Variants in ERC2 observed in about 807,000 individuals in gnomAD.
The protein encoded by ERC2 is ELKS/RAB6-interacting/CAST family member 2.
Under a neutral mutation model 114.8 loss-of-function variants are expected in ERC2, and 42 were observed. That is an observed-to-expected ratio of 0.37 (90% CI 0.29 to 0.47). The LOEUF (loss-of-function observed/expected upper bound fraction) is 0.47. Among genes scored for constraint, ERC2 ranks in the 20% least tolerant of loss-of-function variants. The pLI is 0.99. For synonymous variants in ERC2, 454 were observed against 425.5 expected (o/e 1.07, Z -0.82); for missense variants, 939 against 1,150.7 (o/e 0.82, Z 2.66).
intron 2 of ERC2, among the ~76,000 whole-genome samples, chr3:56,298,887 T>A (rs572771673): frequency 6.6e-6 from 1 of 152,246 alleles, no homozygotes; most frequent in Non-Finnish European, 1.5e-5. Context: ...GTCACAAAAA[T>A]CATGAGGTGG....
intron 2 of ERC2, among the ~76,000 whole-genome samples, chr3:56,378,990 C>T (rs1214413767): frequency 4.6e-5 from 7 of 152,212 alleles, no homozygotes; most frequent in African/African-American, 1.7e-4. Flanking sequence ...AAATCCATTT[C>T]AATAACGTAT....
chr3:55,820,271 T>C (rs2060072688), intron 14 of ERC2, among the ~76,000 whole-genome samples: 1 of 152,090 alleles, frequency 6.6e-6, no homozygotes, highest in Non-Finnish European at 1.5e-5. Flanking sequence ...CTCTGAGGCA[T>C]AAGGGAGTAA....
chr3:55,686,552 G>C (rs2062342438), intron 16 of ERC2, among the ~76,000 whole-genome samples: 1 of 152,192 alleles, frequency 6.6e-6, no homozygotes, highest in African/African-American at 2.4e-5. Flanking sequence ...TTTCACTGCT[G>C]CGCTGCCTGC....
intron 5 of ERC2, among the ~76,000 whole-genome samples, chr3:56,146,236 G>A (rs1269027337): frequency 3.3e-5 from 5 of 152,194 alleles, no homozygotes; most frequent in South Asian, 2.1e-4. Context: ...GCAGTGAGCC[G>A]AGATCGCACC....
chr3:56,027,715 C>G (rs1053036203), intron 7 of ERC2, among the ~76,000 whole-genome samples: 15 of 152,006 alleles, frequency 9.9e-5, no homozygotes, highest in African/African-American at 3.6e-4. Flanking sequence ...AGGTATTAGT[C>G]CTTTGTCAGA....
intron 2 of ERC2, among the ~76,000 whole-genome samples, chr3:56,297,876 C>A (rs1414377235): frequency 6.6e-6 from 1 of 152,158 alleles, no homozygotes; most frequent in Non-Finnish European, 1.5e-5. Context: ...GGCCTACACC[C>A]AGAAACTAGC....
At chr3:55,932,687 G>A (rs1049684588) in intron 13 of ERC2, among the ~76,000 whole-genome samples, 1 of 152,138 alleles carries the variant, frequency 6.6e-6, no homozygotes, top group Non-Finnish European at 1.5e-5. Context: ...ATAAAAGCAA[G>A]TGTCCAGTGG....
intron 4 of ERC2, among the ~76,000 whole-genome samples, chr3:56,173,053 T>C (rs539552952): frequency 2.6e-5 from 4 of 152,352 alleles, no homozygotes; most frequent in South Asian, 2.1e-4. Flanking sequence ...TACCACTGCA[T>C]GTAAAATAAC....
At chr3:56,170,890 G>A (rs187252853) in intron 4 of ERC2, among the ~76,000 whole-genome samples, 125 of 150,922 alleles carry the variant, frequency 8.3e-4, no homozygotes, top group African/African-American at 2.8e-3. Context: ...TCAGCCTCCC[G>A]AGTAGCTGGG....
intron 2 of ERC2, among the ~76,000 whole-genome samples, chr3:56,408,471 A>AAC (rs138217089): frequency 1.3e-3 from 202 of 150,988 alleles, no homozygotes; most frequent in African/African-American, 3.8e-3. Context: ...CCCTCCCCCA[A>AAC]ACACACACAC....
At chr3:55,852,024 C>T (rs573245091) in intron 14 of ERC2, among the ~76,000 whole-genome samples, 1 of 152,200 alleles carries the variant, frequency 6.6e-6, no homozygotes, top group East Asian at 1.9e-4. Flanking sequence ...GAGTTTGAGA[C>T]CAGCCTGACC....
intron 12 of ERC2, among the ~76,000 whole-genome samples, chr3:55,982,394 G>A (rs1038705719): frequency 6.6e-5 from 10 of 151,796 alleles, no homozygotes; most frequent in Middle Eastern, 6.8e-3. Context: ...TGATGAACAC[G>A]TTTCCTCTTA....
intron 17 of ERC2, among the ~76,000 whole-genome samples, chr3:55,587,179 G>A (rs767193674): frequency 6.8e-6 from 1 of 146,918 alleles, no homozygotes; most frequent in African/African-American, 2.5e-5. Flanking sequence ...TCTTTCTTTC[G>A]TTTTGCTCTT....
chr3:55,721,286 A>G (rs948441929), intron 15 of ERC2, among the ~76,000 whole-genome samples: 3 of 152,240 alleles, frequency 2.0e-5, no homozygotes, highest in Non-Finnish European at 4.4e-5. Context: ...GGGGACTATA[A>G]TAAAACAAAG....
At chr3:56,422,763 A>G (rs1287487242) in intron 2 of ERC2, among the ~76,000 whole-genome samples, 1 of 152,188 alleles carries the variant, frequency 6.6e-6, no homozygotes, top group Non-Finnish European at 1.5e-5. Context: ...TCGCAGCTCT[A>G]TTGGTGAGGC....
chr3:55,752,886 A>T (rs1158830391), intron 14 of ERC2, among the ~76,000 whole-genome samples: 1 of 152,222 alleles, frequency 6.6e-6, no homozygotes, highest in Non-Finnish European at 1.5e-5. Context: ...AAGTTGGCTG[A>T]ATTCCGATAA....
intron 1 of ERC2, among the ~76,000 whole-genome samples, chr3:56,461,397 T>C (rs1233944641): frequency 5.3e-5 from 8 of 152,240 alleles, no homozygotes; most frequent in Non-Finnish European, 1.5e-5. Context: ...TGTGTTCATT[T>C]AGTGACTGAA....
At chr3:55,980,334 C>A (rs1243835989) in intron 12 of ERC2, among the ~76,000 whole-genome samples, 1 of 152,114 alleles carries the variant, frequency 6.6e-6, no homozygotes, top group Middle Eastern at 3.2e-3. Context: ...TTTCCTCAGA[C>A]AAACATACAC....
chr3:56,412,854 T>C (rs141143517), intron 2 of ERC2, among the ~76,000 whole-genome samples: 1 of 152,202 alleles, frequency 6.6e-6, no homozygotes. Context: ...TAATTATAGA[T>C]AAAGGTTAAA....
Sources: allele counts gnomAD v4.1 joint callset (sites outside exome capture counted in the v4.1 genomes callset), GRCh38; gene constraint gnomAD v4.1.1; transcripts MANE v1.5; gene names NCBI Gene and HGNC (gene_info 2026-07-23, HGNC 2026-07-21).